Variants in RCOR1 observed in about 807,000 individuals in gnomAD.
The protein encoded by RCOR1 is REST corepressor.
In RCOR1, 12 loss-of-function variants were observed where a neutral mutation model predicts 64.0. That is an observed-to-expected ratio of 0.19 (90% CI 0.12 to 0.30). RCOR1 has a LOEUF of 0.30. Among genes scored for constraint, RCOR1 ranks in the 10% least tolerant of loss-of-function variants. RCOR1 has a pLI of 1.00. For synonymous variants in RCOR1, 279 were observed against 227.2 expected (o/e 1.23, Z -2.05); for missense variants, 502 against 621.2 (o/e 0.81, Z 2.04).
At chr14:102,601,956 C>T (rs528827560) in intron 2 of RCOR1, among the ~76,000 whole-genome samples, 5 of 151,852 alleles carry the variant, frequency 3.3e-5, no homozygotes, top group East Asian at 1.9e-4. Flanking sequence ...ATCAGGAGTT[C>T]GAGACCAGCC....
At position 102,621,608 on chromosome 14, in the gene RCOR1, A is replaced by C. The variant is rs1443617440; in HGVS notation, c.361+28283A>C. Among the ~76,000 whole-genome samples, 3 of 151,986 alleles carry C rather than the reference A, an allele frequency of 2.0e-5. No homozygotes were observed. In the East Asian group the frequency reaches 5.8e-4, roughly 29 times the overall value. ...TCGTCTTCTAGCGTACTGTAAATTT[A>C]CATATATTTTAATGTCTGTACTAGA... On this transcript the variant is annotated intron_variant, in intron 2 of 11. Coordinates refer to ENST00000262241, the MANE Select transcript of RCOR1 (RefSeq NM_015156.4).
rs1452976657 is a variant in RCOR1, at chr14:102,658,555, TTTCTC to T, written c.362-23339_362-23335del. ...TGGAAAGTTTTTAGAATGTGACTCTTTTCTCAGGAACAGGATGGCTACCTACCTAC... is the reference window on the plus strand; with the variant it reads ...TGGAAAGTTTTTAGAATGTGACTCTTAGGAACAGGATGGCTACCTACCTAC... On this transcript the variant is annotated intron_variant, in intron 2 of 11. Transcript: ENST00000262241. 9 of 985,252 alleles carry T rather than the reference TTTCTC, an allele frequency of 9.1e-6. No individual in the cohort carries two copies. In the South Asian group the frequency reaches 3.3e-4, roughly 36 times the overall value. The allele number at this position is 985,252 out of a possible 1,614,324, so 61.0% of individuals were successfully genotyped here.
intron 2 of RCOR1, among the ~76,000 whole-genome samples, chr14:102,611,373 C>T (rs1182325566): frequency 1.3e-5 from 2 of 152,118 alleles, no homozygotes; most frequent in Admixed American, 1.3e-4. Context: ...CCGGCCTCAG[C>T]CTATAGTTCT....
chr14:102,635,864 G>A (rs973682475), intron 2 of RCOR1, among the ~76,000 whole-genome samples: 1 of 152,214 alleles, frequency 6.6e-6, no homozygotes, highest in Non-Finnish European at 1.5e-5. Flanking sequence ...GATCACTTAT[G>A]CCCAGCAATT....
chr14:102,625,154 C>T (rs540216581), intron 2 of RCOR1, among the ~76,000 whole-genome samples: 2 of 151,352 alleles, frequency 1.3e-5, no homozygotes, highest in Admixed American at 6.6e-5. Context: ...GGATTACGGG[C>T]GTGAACCACT....
At chr14:102,646,783 AG>A (rs752497618) in intron 2 of RCOR1, among the ~76,000 whole-genome samples, 2 of 152,272 alleles carry the variant, frequency 1.3e-5, no homozygotes, top group Non-Finnish European at 2.9e-5. Flanking sequence ...TGCATACTAA[AG>A]GAACTGTCAT....
chr14:102,683,996 G>GC lies in RCOR1; in HGVS notation c.445+2023dup, dbSNP rs908420426. ...CCTGGGAGCAGCCCTCTCCGCCCCA[G>GC]CCCCCGCAGCTCTGACCGTATCCCG... On this transcript the variant is annotated intron_variant, in intron 3 of 11. Transcript: ENST00000262241. Among the ~76,000 whole-genome samples, 88 of 152,356 alleles carry GC rather than the reference G, an allele frequency of 5.8e-4. 1 individual carries two copies. Among genetic ancestry groups the GC allele is most frequent in the African/African-American group, 2.0e-3 (83 of 41,588 alleles).
intron 2 of RCOR1, among the ~76,000 whole-genome samples, chr14:102,609,736 C>T (rs1341193935): frequency 6.6e-6 from 1 of 150,930 alleles, no homozygotes; most frequent in African/African-American, 2.4e-5. Flanking sequence ...CGTGAAAATG[C>T]TACTGATGAC....
chr14:102,594,999 AG>A (rs1040790095), intron 2 of RCOR1, among the ~76,000 whole-genome samples: 14 of 152,228 alleles, frequency 9.2e-5, no homozygotes, highest in Non-Finnish European at 1.3e-4. Context: ...GATGTGACTA[AG>A]GAAAAGGGCA....
At chr14:102,705,073 C>T (rs746758543) in intron 4 of RCOR1, among the ~76,000 whole-genome samples, 5 of 151,854 alleles carry the variant, frequency 3.3e-5, no homozygotes, top group Non-Finnish European at 5.9e-5. Flanking sequence ...TTGCAGTGAG[C>T]CAAGATCATG....
chr14:102,678,449 A>G (rs1895236868), intron 2 of RCOR1, among the ~76,000 whole-genome samples: 1 of 151,918 alleles, frequency 6.6e-6, no homozygotes, highest in African/African-American at 2.4e-5. Context: ...GCAGGCACAC[A>G]CCACCACACC....
chr14:102,631,337 G>A (rs1894107150), intron 2 of RCOR1, among the ~76,000 whole-genome samples: 1 of 151,854 alleles, frequency 6.6e-6, no homozygotes, highest in Admixed American at 6.6e-5. Context: ...CGAGTAGCTG[G>A]GACTACAGGC....
At chr14:102,601,371 G>T (rs1233060737) in intron 2 of RCOR1, among the ~76,000 whole-genome samples, 4 of 152,150 alleles carry the variant, frequency 2.6e-5, no homozygotes, top group African/African-American at 7.2e-5. Flanking sequence ...CCTCATTCCC[G>T]CCTTCTTTCT....
In RCOR1 at chr14:102,701,750, C is replaced by T. The variant is rs185683642; in HGVS notation, c.498+420C>T. On this transcript the variant is annotated intron_variant, in intron 4 of 11. Coordinates refer to ENST00000262241, the MANE Select transcript of RCOR1 (RefSeq NM_015156.4). ...TCATTTTCAGTTTGAGATGGAGTCT[C>T]GCTCTGGTGACCAGGCTGGAGTGCA... Among the ~76,000 whole-genome samples, 249 of 152,286 alleles carry T rather than the reference C, an allele frequency of 1.6e-3. 1 individual carries two copies. The highest frequency in any genetic ancestry group is 5.5e-3 in the African/African-American group (229 of 41,540).
In RCOR1 at chr14:102,681,881, T is replaced by G. The variant is rs1402354338; in HGVS notation, c.362-14T>G. 2 of 1,604,492 alleles carry G rather than the reference T, an allele frequency of 1.2e-6. No individual in the cohort carries two copies. The highest frequency in any genetic ancestry group is 1.7e-6 in the Non-Finnish European group (2 of 1,172,300). On this transcript the variant is annotated splice_polypyrimidine_tract_variant and intron_variant, in intron 2 of 11. Coordinates refer to ENST00000262241, the MANE Select transcript of RCOR1 (RefSeq NM_015156.4). The stretch of plus-strand genomic sequence containing the variant: ...TAAATTTTAATAAGAATTTTCTTTT[T>G]TCTTTCTCCCAAGCCAAACTGGCAA...
chr14:102,593,469 C>T (rs1893177419), intron 2 of RCOR1, 144 bp downstream of exon 2: 2 of 894,046 alleles, frequency 2.2e-6, no homozygotes, highest in South Asian at 2.1e-5. Context: ...AGGGCGAGGA[C>T]GAGGAGGCGC....
intron 2 of RCOR1, among the ~76,000 whole-genome samples, chr14:102,658,192 C>T (rs1215883685): frequency 6.6e-6 from 1 of 152,102 alleles, no homozygotes; most frequent in Non-Finnish European, 1.5e-5. Context: ...TGAGGCTGGT[C>T]TTGACCTCTG....
chr14:102,623,949 C>T (rs909124785), intron 2 of RCOR1, among the ~76,000 whole-genome samples: 13 of 150,916 alleles, frequency 8.6e-5, no homozygotes, highest in African/African-American at 3.2e-4. Flanking sequence ...GTCCCAGCTA[C>T]TTGGGAGGCT....
intron 3 of RCOR1, among the ~76,000 whole-genome samples, chr14:102,692,837 C>T (rs1395220823): frequency 2.7e-5 from 4 of 150,106 alleles, no homozygotes; most frequent in Admixed American, 6.7e-5. Context: ...ACAGTCTCAG[C>T]CCATTGCAAC....
Sources: allele counts gnomAD v4.1 joint callset (sites outside exome capture counted in the v4.1 genomes callset), GRCh38; gene constraint gnomAD v4.1.1; transcripts MANE v1.5; gene names NCBI Gene and HGNC (gene_info 2026-07-23, HGNC 2026-07-21).